NEGR1: variants seen among roughly 807,000 people sequenced by gnomAD.
NEGR1 encodes neuronal growth regulator 1, also known as IgLON family member 4.
A neutral mutation model predicts 40.9 loss-of-function variants in NEGR1; 10 were observed. The ratio of observed to expected loss-of-function variants is 0.24; its 90% CI spans 0.15 to 0.42. The LOEUF (loss-of-function observed/expected upper bound fraction) is 0.42. Ranked by LOEUF, NEGR1 falls within the 10% of genes least tolerant of loss-of-function variation. The pLI, the probability that NEGR1 is intolerant of heterozygous loss-of-function variation, is 1.00. For missense variants in NEGR1, 352 were observed against 438.9 expected, an observed-to-expected ratio of 0.80 and a Z score of 1.77; for synonymous variants, 185 against 166.8, an observed-to-expected ratio of 1.11 and a Z score of -0.84.
rs544832027 is a variant in NEGR1 at position 71,710,621 on chromosome 1, C to G, written c.536-12482G>C. 6.6e-5 allele frequency among the ~76,000 whole-genome samples: 10 copies of G among 152,104 alleles called. No homozygotes were observed. In the East Asian group the frequency reaches 1.9e-3, roughly 29 times the overall value. On this transcript the variant is annotated intron_variant, in intron 3 of 6. Coordinates refer to ENST00000357731, the MANE Select transcript of NEGR1 (RefSeq NM_173808.3). ...ATTATGTTAAGTGAAATATGCCAGG[C>G]ACAGAAAGACAAACAATCGCATGTT...
intron 6 of NEGR1, among the ~76,000 whole-genome samples, chr1:71,533,725 A>T (rs999246268): frequency 1.3e-5 from 2 of 151,636 alleles, no homozygotes; most frequent in East Asian, 2.0e-4. Flanking sequence ...CTATTTTTAA[A>T]CTTATCTTCT....
chr1:72,177,461 T>G (rs2100406104), intron 1 of NEGR1, among the ~76,000 whole-genome samples: 1 of 152,232 alleles, frequency 6.6e-6, no homozygotes, highest in South Asian at 2.1e-4. Flanking sequence ...TAATTTATTA[T>G]AACTAATAGT....
At position 71,403,910 on chromosome 1, in the gene NEGR1, T is replaced by G. The variant is rs1646260649; in HGVS notation, c.*3536A>C. 1 of 380,396 alleles carries G rather than the reference T, an allele frequency of 2.6e-6. No homozygotes were observed. 23.6% of individuals were successfully genotyped at this position (380,396 alleles called of 1,614,324 possible). On this transcript the variant is annotated 3_prime_UTR_variant, in exon 7 of 7. Transcript: ENST00000357731. ...TACCATTTATTCATATTCATATCTATTGAAATACTGTACATCCACATACTT... is the reference window on the plus strand; with the variant it reads ...TACCATTTATTCATATTCATATCTAGTGAAATACTGTACATCCACATACTT...
intron 1 of NEGR1, among the ~76,000 whole-genome samples, chr1:72,248,581 A>AT (rs1654981326): frequency 8.7e-6 from 1 of 115,412 alleles, no homozygotes; most frequent in Non-Finnish European, 1.9e-5. Flanking sequence ...TTTATTTATT[A>AT]TTATTATTAT....
intron 6 of NEGR1, among the ~76,000 whole-genome samples, chr1:71,443,158 T>A (rs1485589839): frequency 6.6e-6 from 1 of 152,244 alleles, no homozygotes; most frequent in Non-Finnish European, 1.5e-5. Context: ...TACTTATTTA[T>A]GTATTTATCA....
chr1:71,748,944 G>T (rs541512352), intron 3 of NEGR1, among the ~76,000 whole-genome samples: 39 of 152,184 alleles, frequency 2.6e-4, no homozygotes, highest in African/African-American at 8.7e-4. Context: ...TCCACAAGGA[G>T]AATGAAGTCA....
chr1:71,407,697 A>G (rs1228726159), intron 6 of NEGR1, 127 bp from the exon 7 acceptor site: 6 of 812,386 alleles, frequency 7.4e-6, no homozygotes, highest in Non-Finnish European at 1.2e-5. Context: ...ACTGAAGTTC[A>G]TATCTGATTC....
chr1:72,093,858 C>T (rs1648593832), intron 1 of NEGR1, among the ~76,000 whole-genome samples: 1 of 152,128 alleles, frequency 6.6e-6, no homozygotes, highest in South Asian at 2.1e-4. Context: ...AACCAGCAAA[C>T]ATTTTAGCAC....
At chr1:71,932,249 T>C (rs1645862384) in intron 2 of NEGR1, among the ~76,000 whole-genome samples, 1 of 152,082 alleles carries the variant, frequency 6.6e-6, no homozygotes, top group African/African-American at 2.4e-5. Flanking sequence ...TCCCATTAAA[T>C]CAAAGCAAAT....
At chr1:71,903,059 T>C (rs959790570) in intron 2 of NEGR1, among the ~76,000 whole-genome samples, 1 of 147,506 alleles carries the variant, frequency 6.8e-6, no homozygotes, top group Non-Finnish European at 1.5e-5. Flanking sequence ...AGTTTTATCA[T>C]AGGGATTTTT....
chr1:71,924,502 G>A (rs531987084), intron 2 of NEGR1, among the ~76,000 whole-genome samples: 1 of 152,194 alleles, frequency 6.6e-6, no homozygotes, highest in African/African-American at 2.4e-5. Flanking sequence ...CCTTCCTCAA[G>A]TCTTCAATAT....
chr1:71,673,805 T>TC (rs1240349029), intron 4 of NEGR1, among the ~76,000 whole-genome samples: 1 of 151,462 alleles, frequency 6.6e-6, no homozygotes, highest in Non-Finnish European at 1.5e-5. Context: ...ATGATATTTT[T>TC]TTTTACTAAC....
At chr1:72,036,655 CAAA>C (rs71723530) in intron 1 of NEGR1, among the ~76,000 whole-genome samples, 23 of 107,928 alleles carry the variant, frequency 2.1e-4, no homozygotes, top group Middle Eastern at 4.9e-3. Flanking sequence ...GACTCCATCT[CAAA>C]AAAAAAAAAA....
intron 2 of NEGR1, among the ~76,000 whole-genome samples, chr1:71,920,399 A>G (rs1346361839): frequency 6.6e-6 from 1 of 152,168 alleles, no homozygotes; most frequent in African/African-American, 2.4e-5. Context: ...CAAGCAGTAT[A>G]CTATGGCTAT....
At chr1:71,460,842 C>CG (rs1646709529) in intron 6 of NEGR1, among the ~76,000 whole-genome samples, 1 of 152,098 alleles carries the variant, frequency 6.6e-6, no homozygotes, top group Non-Finnish European at 1.5e-5. Flanking sequence ...CTTTTGCCTA[C>CG]TTTGCAATTT....
At chr1:71,613,895 G>A (rs1053519820) in intron 4 of NEGR1, among the ~76,000 whole-genome samples, 1 of 151,986 alleles carries the variant, frequency 6.6e-6, no homozygotes, top group Non-Finnish European at 1.5e-5. Flanking sequence ...CAATTAAAAA[G>A]TACAGCACTT....
chr1:72,009,098 T>A (rs1362283714), intron 1 of NEGR1, among the ~76,000 whole-genome samples: 3 of 151,952 alleles, frequency 2.0e-5, no homozygotes, highest in Admixed American at 2.0e-4. Flanking sequence ...TATGTAATGG[T>A]GCATATTACC....
At chr1:72,149,070 A>G (rs992140362) in intron 1 of NEGR1, among the ~76,000 whole-genome samples, 2 of 152,156 alleles carry the variant, frequency 1.3e-5, no homozygotes, top group African/African-American at 4.8e-5. Context: ...AGACATACCA[A>G]TAACTGGGAA....
intron 2 of NEGR1, among the ~76,000 whole-genome samples, chr1:71,846,366 A>C (rs1659408984): frequency 2.1e-5 from 3 of 143,744 alleles, no homozygotes; most frequent in South Asian, 2.2e-4. Context: ...CAGCACTACA[A>C]ATACCCACCC....
Sources: allele counts gnomAD v4.1 joint callset (sites outside exome capture counted in the v4.1 genomes callset), GRCh38; gene constraint gnomAD v4.1.1; transcripts MANE v1.5; gene names NCBI Gene and HGNC (gene_info 2026-07-23, HGNC 2026-07-21).